CNTNAP5: variants seen among roughly 807,000 people sequenced by gnomAD.
CNTNAP5 encodes the protein contactin associated protein family member 5.
Under a neutral mutation model 150.2 loss-of-function variants are expected in CNTNAP5, and 72 were observed. The ratio of observed to expected loss-of-function variants is 0.48; its 90% CI spans 0.40 to 0.58. CNTNAP5 has a LOEUF of 0.58. Among genes scored for constraint, CNTNAP5 ranks in the 20% least tolerant of loss-of-function variants. The pLI is 0.00. For missense variants in CNTNAP5, 1,636 were observed against 1,626.2 expected (o/e 1.01, Z -0.10); for synonymous variants, 672 against 619.8 (o/e 1.08, Z -1.25).
rs190369331 is a variant in CNTNAP5 at position 124,444,138 on chromosome 2, G to T, written c.734-2615G>T. Among the ~76,000 whole-genome samples, 11 of 151,978 alleles carry T rather than the reference G, an allele frequency of 7.2e-5. No homozygotes were observed. The East Asian group carries it at 1.9e-3, about 27-fold the overall frequency. ...TTTGTTCTATCTCCGTCACCTGGAGGCCACCTCCTGCCAACGCCTCATAAT... is the reference window on the plus strand; with the variant it reads ...TTTGTTCTATCTCCGTCACCTGGAGTCCACCTCCTGCCAACGCCTCATAAT... On this transcript the variant is annotated intron_variant, in intron 5 of 23. Coordinates refer to ENST00000682447, the MANE Select transcript of CNTNAP5 (RefSeq NM_001367498.1).
chr2:124,637,528 C>G (rs985915269), intron 12 of CNTNAP5, among the ~76,000 whole-genome samples: 2 of 152,166 alleles, frequency 1.3e-5, no homozygotes, highest in African/African-American at 2.4e-5. Flanking sequence ...TCTGCCAGAT[C>G]GTTGCATTGT....
chr2:124,461,208 C>CT (rs1022432770), intron 6 of CNTNAP5, among the ~76,000 whole-genome samples: 1 of 152,034 alleles, frequency 6.6e-6, no homozygotes, highest in African/African-American at 2.4e-5. Flanking sequence ...AATCATGCTG[C>CT]TATAAAGACA....
At chr2:124,607,978 G>A (rs930642742) in intron 11 of CNTNAP5, among the ~76,000 whole-genome samples, 1 of 152,202 alleles carries the variant, frequency 6.6e-6, no homozygotes, top group African/African-American at 2.4e-5. Context: ...GAATGCAAGA[G>A]AGAATGCCAT....
intron 11 of CNTNAP5, among the ~76,000 whole-genome samples, chr2:124,576,833 T>C (rs1377574064): frequency 6.6e-6 from 1 of 152,170 alleles, no homozygotes; most frequent in Non-Finnish European, 1.5e-5. Flanking sequence ...CTTAGAGTGG[T>C]GGATGCAGTG....
Position 124,557,266 on chromosome 2 carries a change from C to CAAT in CNTNAP5, c.1650-5950_1650-5948dup, listed in dbSNP as rs572433774. The stretch of plus-strand genomic sequence containing the variant: ...AAACCTGAGTTTCTCTTCCCTCTCT[C>CAAT]AATTGCTCCTTGCCTGTGGCTGCAC... On this transcript the variant is annotated intron_variant, in intron 10 of 23. Coordinates refer to ENST00000682447, the MANE Select transcript of CNTNAP5 (RefSeq NM_001367498.1). Among the ~76,000 whole-genome samples, 176 of 125,374 alleles carry CAAT rather than the reference C, an allele frequency of 1.4e-3. 1 individual carries two copies. Among genetic ancestry groups the CAAT allele is most frequent in the African/African-American group, 5.1e-3 (174 of 33,860 alleles). The allele number at this position is 125,374 out of a possible 152,430, so 82.3% of individuals were successfully genotyped here.
intron 12 of CNTNAP5, among the ~76,000 whole-genome samples, chr2:124,641,098 A>G (rs1678082747): frequency 7.1e-6 from 1 of 140,720 alleles, no homozygotes; most frequent in Non-Finnish European, 1.5e-5. Context: ...TACACTCCAG[A>G]CTGGGCAACA....
At chr2:124,772,601 G>GA (rs1558769501) in intron 16 of CNTNAP5, among the ~76,000 whole-genome samples, 198 bp from the exon 17 acceptor site, 1 of 152,188 alleles carries the variant, frequency 6.6e-6, no homozygotes, top group East Asian at 1.9e-4. Flanking sequence ...AACGTAGCAG[G>GA]AAAAAAACAA....
chr2:124,554,805 T>G (rs1695713748), intron 10 of CNTNAP5, among the ~76,000 whole-genome samples: 2 of 152,242 alleles, frequency 1.3e-5, no homozygotes, highest in Admixed American at 1.3e-4. Flanking sequence ...AAAGGACTAT[T>G]AAAATATCTT....
At chr2:124,673,942 C>A (rs1678874486) in intron 13 of CNTNAP5, among the ~76,000 whole-genome samples, 1 of 151,954 alleles carries the variant, frequency 6.6e-6, no homozygotes, top group Non-Finnish European at 1.5e-5. Flanking sequence ...GCAAATATCA[C>A]CACAATTTAA....
At chr2:124,072,283 A>AC (rs1682325436) in intron 1 of CNTNAP5, among the ~76,000 whole-genome samples, 2 of 151,998 alleles carry the variant, frequency 1.3e-5, no homozygotes, top group African/African-American at 4.8e-5. Context: ...AATAATGGAA[A>AC]AAAAAATGGA....
chr2:124,337,359 C>T lies in CNTNAP5; in HGVS notation c.382-80084C>T, dbSNP rs370286878. Reference sequence around the variant, plus strand: ...TCTGATGGTACTTTCTTTTGCTGCGCAGAAGCTCTTTAGTTTAATTAGATC... The same window carrying T: ...TCTGATGGTACTTTCTTTTGCTGCGTAGAAGCTCTTTAGTTTAATTAGATC... On this transcript the variant is annotated intron_variant, in intron 3 of 23. Coordinates refer to ENST00000682447, the MANE Select transcript of CNTNAP5 (RefSeq NM_001367498.1). Among the ~76,000 whole-genome samples the T allele has an allele frequency of 1.0e-3, 157 of 152,276 alleles. 1 individual carries two copies. In the East Asian group the frequency reaches 0.019, roughly 19 times the overall value.
At chr2:124,897,687 G>A (rs1339060072) in intron 21 of CNTNAP5, among the ~76,000 whole-genome samples, 1 of 151,368 alleles carries the variant, frequency 6.6e-6, no homozygotes, top group African/African-American at 2.5e-5. Flanking sequence ...ACAGAAAAGT[G>A]TCACGCATAG....
chr2:124,576,138 A>ATATATCTATATC (rs60325451), intron 11 of CNTNAP5, among the ~76,000 whole-genome samples: 3,542 of 151,022 alleles, frequency 0.023, 143 homozygotes, highest in African/African-American at 0.081. Context: ...GGATGGCTGT[A>ATATATCTATATC]TATATCTATA....
chr2:124,847,959 T>TA (rs1683082925), intron 19 of CNTNAP5, among the ~76,000 whole-genome samples: 1 of 152,130 alleles, frequency 6.6e-6, no homozygotes. Flanking sequence ...TATTTATTTT[T>TA]AAAAAAACTT....
At position 124,811,519 on chromosome 2, in the gene CNTNAP5, T is replaced by C. The variant is rs1179577501; in HGVS notation, c.3217+13199T>C. 1.3e-5 allele frequency among the ~76,000 whole-genome samples: 2 copies of C among 152,264 alleles called. 1 individual carries two copies. Among genetic ancestry groups the C allele is most frequent in the South Asian group, 4.1e-4 (2 of 4,826 alleles). On this transcript the variant is annotated intron_variant, in intron 19 of 23. Transcript: ENST00000682447. ...TAAATATGTATAAATATCTAAAGGA[T>C]ATTGGCTGAAGACACATAAGATGAC...
intron 19 of CNTNAP5, among the ~76,000 whole-genome samples, chr2:124,848,862 T>A (rs1683101439): frequency 6.6e-6 from 1 of 152,192 alleles, no homozygotes; most frequent in South Asian, 2.1e-4. Flanking sequence ...TGCTATTGAG[T>A]TGAGTTCTTT....
intron 1 of CNTNAP5, among the ~76,000 whole-genome samples, chr2:124,192,798 A>T (rs1486557922): frequency 6.6e-6 from 1 of 152,052 alleles, no homozygotes; most frequent in Non-Finnish European, 1.5e-5. Flanking sequence ...GCTTCCCCAA[A>T]AACTCCTTCT....
Position 124,915,143 on chromosome 2 carries a change from T to TACAC in CNTNAP5, c.*867_*870dup, listed in dbSNP as rs539388740. The stretch of plus-strand genomic sequence containing the variant: ...ATTATTATACTGAGATATATATATA[T>TACAC]ACACACACACACACATATGTGTATA... On this transcript the variant is annotated 3_prime_UTR_variant, in exon 24 of 24. Coordinates refer to ENST00000682447, the MANE Select transcript of CNTNAP5 (RefSeq NM_001367498.1). 1.2e-5 allele frequency: 2 copies of TACAC among 164,112 alleles called. No individual in the cohort carries two copies. The highest frequency in any genetic ancestry group is 4.9e-5 in the African/African-American group (2 of 41,022). 10.2% of individuals were successfully genotyped at this position (164,112 alleles called of 1,614,324 possible).
intron 5 of CNTNAP5, among the ~76,000 whole-genome samples, chr2:124,439,540 C>A (rs185005406): frequency 1.3e-5 from 2 of 152,278 alleles, no homozygotes; most frequent in Admixed American, 1.3e-4. Flanking sequence ...AGCAACAACT[C>A]CTAAATCTGG....
Sources: allele counts gnomAD v4.1 joint callset (sites outside exome capture counted in the v4.1 genomes callset), GRCh38; gene constraint gnomAD v4.1.1; transcripts MANE v1.5; gene names NCBI Gene and HGNC (gene_info 2026-07-23, HGNC 2026-07-21).